Variants in GRIP1 observed in about 807,000 individuals in gnomAD.
GRIP1 encodes the protein glutamate receptor-interacting protein 1.
In GRIP1, 45 loss-of-function variants were observed where a neutral mutation model predicts 129.9. The observed-to-expected ratio is 0.35, with a 90% CI of 0.27 to 0.44. GRIP1 has a LOEUF of 0.44. GRIP1 is among the 20% of genes least tolerant of loss of function. The probability of loss-of-function intolerance (pLI) is 1.00; values close to 1 mark genes in which losing one functional copy is unlikely to be tolerated. For synonymous variants in GRIP1, 530 were observed against 520.8 expected, an observed-to-expected ratio of 1.02 and a Z score of -0.24; for missense variants, 1,196 against 1,396.8, an observed-to-expected ratio of 0.86 and a Z score of 2.29.
At chr12:66,801,404 C>G (rs2038855396) in intron 1 of GRIP1, among the ~76,000 whole-genome samples, 1 of 152,056 alleles carries the variant, frequency 6.6e-6, no homozygotes, top group Non-Finnish European at 1.5e-5. Context: ...ACTGCTAAAA[C>G]TGAGTTTTGA....
chr12:67,054,941 C>T (rs2043410196), intron 1 of GRIP1, among the ~76,000 whole-genome samples: 1 of 152,086 alleles, frequency 6.6e-6, no homozygotes, highest in Non-Finnish European at 1.5e-5. Context: ...CTAATTATCT[C>T]AAATGTTGCC....
intron 1 of GRIP1, among the ~76,000 whole-genome samples, chr12:67,033,482 A>AT (rs1341570386): frequency 2.0e-5 from 3 of 152,116 alleles, no homozygotes; most frequent in African/African-American, 7.2e-5. Flanking sequence ...AGTAATGTTC[A>AT]TTCAGTATGT....
At chr12:66,971,110 C>T (rs573860687) in intron 1 of GRIP1, among the ~76,000 whole-genome samples, 12 of 152,280 alleles carry the variant, frequency 7.9e-5, no homozygotes, top group African/African-American at 2.9e-4. Flanking sequence ...TAGCCTCCAG[C>T]AATTCATCAA....
chr12:66,684,377 G>A (rs2034700456), intron 1 of GRIP1, among the ~76,000 whole-genome samples: 1 of 152,094 alleles, frequency 6.6e-6, no homozygotes, highest in Non-Finnish European at 1.5e-5. Flanking sequence ...ACCTCTTCCT[G>A]TTCTCATGCC....
chr12:66,904,157 T>G (rs2040889444), intron 1 of GRIP1, among the ~76,000 whole-genome samples: 1 of 152,158 alleles, frequency 6.6e-6, no homozygotes, highest in Non-Finnish European at 1.5e-5. Flanking sequence ...CCACTAGAAA[T>G]GAACAGCAGG....
At chr12:67,026,421 C>T (rs2042942724) in intron 1 of GRIP1, among the ~76,000 whole-genome samples, 1 of 152,120 alleles carries the variant, frequency 6.6e-6, no homozygotes, top group African/African-American at 2.4e-5. Flanking sequence ...CTATTCACTC[C>T]CCTACAAAGG....
chr12:66,371,885 C>T lies in GRIP1; in HGVS notation c.2821G>A (p.Ala941Thr). 6.2e-7 allele frequency: 1 copy of T among 1,613,096 alleles called. No homozygotes were observed. The highest frequency in any genetic ancestry group is 1.1e-5 in the South Asian group (1 of 91,054). ...CCCAGCTGACTGCGAGGTGTTGGAG[C>T]CTCATGATTCAAACTCATCGTGCTC... ...SGSTMSLNHEAPTPRSQLGRQ... is the reference protein window; with the variant it reads ...SGSTMSLNHETPTPRSQLGRQ... Residue 941 changes from alanine (A) to threonine (T), a missense_variant, in exon 23 of 25, where the codon GCT becomes ACT. Physicochemically the swap from Ala to Thr is moderately conservative, Grantham distance 58 (BLOSUM62 0). This residue lies in a region of GRIP1 where 427 missense variants were observed against 463.3 expected (regional missense o/e 0.92). Coordinates refer to ENST00000359742, the MANE Select transcript of GRIP1 (RefSeq NM_001366722.1).
At chr12:66,643,996 T>C (rs1308175683) in intron 1 of GRIP1, among the ~76,000 whole-genome samples, 3 of 152,184 alleles carry the variant, frequency 2.0e-5, no homozygotes, top group Non-Finnish European at 4.4e-5. Flanking sequence ...CGGTCCCATA[T>C]GGCTGGGGAG....
intron 24 of GRIP1, among the ~76,000 whole-genome samples, chr12:66,351,122 A>G (rs1039164496): frequency 9.9e-5 from 15 of 152,242 alleles, no homozygotes; most frequent in Non-Finnish European, 2.1e-4. Flanking sequence ...TTCTATTGCC[A>G]TAGTAAAAAT....
At chr12:66,670,483 C>A (rs1245575832) in intron 1 of GRIP1, among the ~76,000 whole-genome samples, 1 of 152,184 alleles carries the variant, frequency 6.6e-6, no homozygotes, top group Non-Finnish European at 1.5e-5. Context: ...TACAGGACTG[C>A]AGGCTCAGAT....
At chr12:66,919,544 A>C (rs1489343165) in intron 1 of GRIP1, among the ~76,000 whole-genome samples, 2 of 152,332 alleles carry the variant, frequency 1.3e-5, no homozygotes, top group Admixed American at 1.3e-4. Context: ...ATTCATCATT[A>C]CATCATTCTC....
chr12:66,717,619 G>C (rs2035932914), intron 1 of GRIP1, among the ~76,000 whole-genome samples: 1 of 152,084 alleles, frequency 6.6e-6, no homozygotes, highest in African/African-American at 2.4e-5. Context: ...GTTGAAAAGA[G>C]AATTAAAAAT....
At chr12:66,711,625 A>G (rs2035715619) in intron 1 of GRIP1, among the ~76,000 whole-genome samples, 1 of 151,908 alleles carries the variant, frequency 6.6e-6, no homozygotes, top group Non-Finnish European at 1.5e-5. Flanking sequence ...AATTGAGTGC[A>G]CAAAGATCCA....
At chr12:66,899,291 G>A (rs140079472) in intron 1 of GRIP1, among the ~76,000 whole-genome samples, 106 of 152,242 alleles carry the variant, frequency 7.0e-4, no homozygotes, top group African/African-American at 2.1e-3. Flanking sequence ...CTCATTCAGT[G>A]AAATGCTGCT....
chr12:66,678,915 T>C lies in GRIP1; in HGVS notation c.-11A>G. ...AGAGACAGCTATCATTCTTGCTCACTGCTTTCTGTGGCAAAGTGTACTCAA... is the reference window on the plus strand; with the variant it reads ...AGAGACAGCTATCATTCTTGCTCACCGCTTTCTGTGGCAAAGTGTACTCAA... On this transcript the variant is annotated 5_prime_UTR_variant, in exon 1 of 25. Coordinates refer to ENST00000359742, the MANE Select transcript of GRIP1 (RefSeq NM_001366722.1). 6.2e-7 allele frequency: 1 copy of C among 1,613,334 alleles called. No homozygotes were observed. Among genetic ancestry groups the C allele is most frequent in the East Asian group, 2.2e-5 (1 of 44,792 alleles).
intron 7 of GRIP1, among the ~76,000 whole-genome samples, chr12:66,473,540 C>T (rs1337090929): frequency 6.6e-6 from 1 of 152,222 alleles, no homozygotes; most frequent in Admixed American, 6.5e-5. Flanking sequence ...GACTGGGAGA[C>T]AACTCCCAGC....
At chr12:66,613,606 GA>G (rs554510696) in intron 1 of GRIP1, among the ~76,000 whole-genome samples, 6 of 151,860 alleles carry the variant, frequency 4.0e-5, no homozygotes, top group Admixed American at 6.6e-5. Context: ...CAACAACTAT[GA>G]AAAAAAAGAA....
intron 1 of GRIP1, among the ~76,000 whole-genome samples, chr12:66,902,449 A>G (rs1177672174): frequency 6.6e-6 from 1 of 152,156 alleles, no homozygotes; most frequent in Non-Finnish European, 1.5e-5. Context: ...GTGCAGAAGT[A>G]TGTGAACACC....
At chr12:66,601,353 G>A (rs2064267551) in intron 1 of GRIP1, among the ~76,000 whole-genome samples, 1 of 152,128 alleles carries the variant, frequency 6.6e-6, no homozygotes, top group African/African-American at 2.4e-5. Context: ...TGTGAGGAAG[G>A]GAGTCAGGTC....
Sources: allele counts gnomAD v4.1 joint callset (sites outside exome capture counted in the v4.1 genomes callset), GRCh38; gene constraint gnomAD v4.1.1; regional missense constraint gnomAD v4.1.1; transcripts MANE v1.5; gene names NCBI Gene and HGNC (gene_info 2026-07-23, HGNC 2026-07-21).